P4HA3: variants seen among roughly 807,000 people sequenced by gnomAD.
P4HA3 encodes the protein prolyl 4-hydroxylase subunit alpha 3, also known as prolyl 4-hydroxylase subunit alpha-3.
P4HA3 carries 60 observed loss-of-function variants against 66.7 expected under a neutral mutation model. The observed-to-expected ratio is 0.90, with a 90% CI of 0.73 to 1.12. The LOEUF (loss-of-function observed/expected upper bound fraction) is 1.12. P4HA3 is among the 50% of genes most tolerant of loss of function. The pLI is 0.00. For missense variants in P4HA3, 683 were observed against 685.8 expected (o/e 1.00, Z 0.05); for synonymous variants, 263 against 274.6 (o/e 0.96, Z 0.42).
At chr11:74,250,547 C>T (rs1348006646) in intron 15 of P4HA3, 1 of 161,636 alleles carries the variant, frequency 6.2e-6, no homozygotes, top group African/African-American at 2.4e-5. Context: ...TCCTTCCTTC[C>T]TGGTTCCCTC....
intron 8 of P4HA3, 21 bp downstream of exon 8, chr11:74,279,367 C>T: frequency 6.2e-7 from 1 of 1,612,338 alleles, no homozygotes; most frequent in Admixed American, 1.7e-5. Flanking sequence ...GCAGGTATGA[C>T]CAAGGAAGGG....
intron 8 of P4HA3, 61 bp downstream of exon 8, chr11:74,279,327 G>A: frequency 2.0e-6 from 3 of 1,513,042 alleles, no homozygotes; most frequent in Non-Finnish European, 2.8e-6. Context: ...CTGACTGGCA[G>A]TCAGCTATGC....
intron 10 of P4HA3, among the ~76,000 whole-genome samples, chr11:74,269,935 G>A (rs1860134851): frequency 6.6e-6 from 1 of 152,152 alleles, no homozygotes; most frequent in Non-Finnish European, 1.5e-5. Flanking sequence ...CAATGTTTTG[G>A]TATTCTTCCT....
At chr11:74,274,292 G>C (rs554544110) in intron 9 of P4HA3, among the ~76,000 whole-genome samples, 1 of 149,984 alleles carries the variant, frequency 6.7e-6, no homozygotes, top group Admixed American at 6.6e-5. Flanking sequence ...TCCAATTCTT[G>C]GTTTTTTTTT....
downstream of P4HA3, among the ~76,000 whole-genome samples, chr11:74,265,756 C>G (rs118018535): frequency 9.0e-3 from 1,371 of 152,194 alleles, 9 homozygotes; most frequent in Non-Finnish European, 0.012. Context: ...CTGGGGCTAC[C>G]AAGAGGAATG....
intron 1 of P4HA3, among the ~76,000 whole-genome samples, chr11:74,311,208 A>G (rs891754205): frequency 7.2e-5 from 11 of 152,016 alleles, no homozygotes; most frequent in African/African-American, 2.4e-4. Flanking sequence ...CAGGGTGACA[A>G]TGGGTCTAGG....
intron 15 of P4HA3, among the ~76,000 whole-genome samples, chr11:74,259,044 G>C (rs1265678003): frequency 6.6e-6 from 1 of 152,112 alleles, no homozygotes; most frequent in Non-Finnish European, 1.5e-5. Context: ...AGTGGAAGCC[G>C]GTGTGCCCCT....
downstream of P4HA3, among the ~76,000 whole-genome samples, chr11:74,262,986 T>A (rs1859933156): frequency 6.6e-6 from 1 of 152,264 alleles, no homozygotes; most frequent in African/African-American, 2.4e-5. Flanking sequence ...CTGCACCTTG[T>A]GCTCTACAGG....
intron 4 of P4HA3, among the ~76,000 whole-genome samples, chr11:74,293,305 C>A (rs1168620845): frequency 6.6e-6 from 1 of 152,078 alleles, no homozygotes; most frequent in African/African-American, 2.4e-5. Context: ...CTTGGTAGAT[C>A]TTCCTCCATC....
chr11:74,296,170 A>G (rs1861206481), intron 4 of P4HA3, among the ~76,000 whole-genome samples: 1 of 152,132 alleles, frequency 6.6e-6, no homozygotes, highest in South Asian at 2.1e-4. Context: ...GTATTAGCTC[A>G]CTCAATCCTC....
chr11:74,253,654 A>G, intron 15 of P4HA3: 1 of 880,714 alleles, frequency 1.1e-6, no homozygotes, highest in Non-Finnish European at 1.8e-6. Context: ...GAGATGTACC[A>G]ACCTTTTCAT....
At chr11:74,258,834 T>G (rs917457292) in intron 15 of P4HA3, among the ~76,000 whole-genome samples, 1 of 152,200 alleles carries the variant, frequency 6.6e-6, no homozygotes, top group Non-Finnish European at 1.5e-5. Context: ...CTAGGTGTTA[T>G]GAGGGTTAAA....
At chr11:74,296,355 A>G (rs1861211777) in intron 4 of P4HA3, among the ~76,000 whole-genome samples, 1 of 152,248 alleles carries the variant, frequency 6.6e-6, no homozygotes, top group Non-Finnish European at 1.5e-5. Flanking sequence ...ATTAGCAGTT[A>G]TTAAAATTTT....
intron 8 of P4HA3, among the ~76,000 whole-genome samples, chr11:74,277,942 T>A (rs1380156234): frequency 6.6e-6 from 1 of 152,232 alleles, no homozygotes; most frequent in Non-Finnish European, 1.5e-5. Context: ...GTGTTCATTC[T>A]TTCAAATAGA....
intron 1 of P4HA3, among the ~76,000 whole-genome samples, chr11:74,310,101 CATGAT>C (rs1164827031): frequency 1.3e-5 from 2 of 152,200 alleles, no homozygotes; most frequent in Non-Finnish European, 2.9e-5. Flanking sequence ...GATAAGGTCA[CATGAT>C]ATAAGTACAA....
At chr11:74,309,638 AAAAG>A (rs1861669415) in intron 1 of P4HA3, among the ~76,000 whole-genome samples, 1 of 152,226 alleles carries the variant, frequency 6.6e-6, no homozygotes, top group Non-Finnish European at 1.5e-5. Flanking sequence ...GCTATGAACA[AAAAG>A]AAAACATTTG....
intron 5 of P4HA3, 114 bp downstream of exon 5, chr11:74,288,965 A>C (rs1565414709): frequency 2.7e-6 from 2 of 745,234 alleles, no homozygotes. Context: ...AAAAAAAAAA[A>C]AGATAATAAA....
chr11:74,253,596 C>G, intron 15 of P4HA3: 1 of 1,435,616 alleles, frequency 7.0e-7, no homozygotes, highest in South Asian at 1.1e-5. Context: ...TGTCTCCTCT[C>G]CATCCCGCCC....
At chr11:74,308,408 T>C (rs1861634157) in intron 1 of P4HA3, among the ~76,000 whole-genome samples, 1 of 152,002 alleles carries the variant, frequency 6.6e-6, no homozygotes, top group East Asian at 1.9e-4. Flanking sequence ...GGCATGGTGG[T>C]GTGCACCCGT....
Sources: allele counts gnomAD v4.1 joint callset (sites outside exome capture counted in the v4.1 genomes callset), GRCh38; gene constraint gnomAD v4.1.1; transcripts MANE v1.5; gene names NCBI Gene and HGNC (gene_info 2026-07-23, HGNC 2026-07-21).